The following GPM6A variants were observed in gnomAD, a reference collection of about 807,000 sequenced individuals.
The protein encoded by GPM6A is neuronal membrane glycoprotein M6-a.
GPM6A carries 7 observed loss-of-function variants against 32.1 expected under a neutral mutation model. The observed-to-expected ratio is 0.22, with a 90% CI of 0.12 to 0.41. The LOEUF (loss-of-function observed/expected upper bound fraction) is 0.41. Ranked by LOEUF, GPM6A falls within the 10% of genes least tolerant of loss-of-function variation. The probability of loss-of-function intolerance (pLI) is 1.00; values close to 1 mark genes in which losing one functional copy is unlikely to be tolerated. For missense variants in GPM6A, 235 were observed against 347.2 expected (o/e 0.68, Z 2.57); for synonymous variants, 130 against 123.4 (o/e 1.05, Z -0.35).
chr4:175,906,888 A>G (rs1330392108), intron 1 of GPM6A: 1 of 152,126 alleles, frequency 6.6e-6, no homozygotes, highest in Non-Finnish European at 1.5e-5. Context: ...TTATGACATC[A>G]CTGAAAGCAA....
chr4:175,897,350 A>G (rs115467630), intron 1 of GPM6A, among the ~76,000 whole-genome samples: 79 of 152,244 alleles, frequency 5.2e-4, no homozygotes, highest in African/African-American at 1.7e-3. Flanking sequence ...CCACTCTCCA[A>G]TCTCACTCCA....
At chr4:175,743,818 A>T (rs976266648) in intron 1 of GPM6A, among the ~76,000 whole-genome samples, 1 of 152,062 alleles carries the variant, frequency 6.6e-6, no homozygotes, top group Non-Finnish European at 1.5e-5. Flanking sequence ...ATTCAAGAGA[A>T]AGAACACTTT....
At chr4:175,813,562 GCA>G (rs952577923), upstream of GPM6A, among the ~76,000 whole-genome samples, 1 of 151,256 alleles carries the variant, frequency 6.6e-6, no homozygotes, top group Non-Finnish European at 1.5e-5. Flanking sequence ...ACACACACAA[GCA>G]CACACACGGA....
chr4:175,784,920 T>C (rs1427931486), intron 1 of GPM6A, among the ~76,000 whole-genome samples: 1 of 152,194 alleles, frequency 6.6e-6, no homozygotes, highest in African/African-American at 2.4e-5. Flanking sequence ...TCAATCCTAG[T>C]AAGAAAAGTA....
At chr4:175,812,320 T>TG, upstream of GPM6A, 1 of 1,383,478 alleles carries the variant, frequency 7.2e-7, no homozygotes, top group Non-Finnish European at 9.3e-7. Flanking sequence ...TTTTTTTTTT[T>TG]TTTTTTTTTT....
intron 1 of GPM6A, among the ~76,000 whole-genome samples, chr4:175,842,569 A>C (rs985979542): frequency 1.1e-4 from 16 of 152,126 alleles, no homozygotes; most frequent in African/African-American, 3.9e-4. Flanking sequence ...CAAAAAATAA[A>C]AATTAGCTGA....
chr4:175,714,947 C>G (rs1272192325), intron 1 of GPM6A, among the ~76,000 whole-genome samples: 2 of 133,706 alleles, frequency 1.5e-5, no homozygotes, highest in African/African-American at 5.7e-5. Flanking sequence ...GGTAAGGGAA[C>G]AGTCAGGTGG....
intron 2 of GPM6A, among the ~76,000 whole-genome samples, chr4:175,681,211 A>G (rs78000018): frequency 5.3e-5 from 8 of 152,160 alleles, no homozygotes. Context: ...TTGTATTCCA[A>G]CCAGCAGTAT....
chr4:175,947,198 A>C (rs1264934190), intron 1 of GPM6A, among the ~76,000 whole-genome samples: 2 of 152,044 alleles, frequency 1.3e-5, no homozygotes, highest in African/African-American at 2.4e-5. Flanking sequence ...AAAAAAAAAA[A>C]AACACTAGCT....
At chr4:175,711,410 ATATAT>A (rs1745523056) in intron 1 of GPM6A, among the ~76,000 whole-genome samples, 1 of 5,440 alleles carries the variant, frequency 1.8e-4, no homozygotes, top group Admixed American at 2.5e-3. Context: ...GGCACACCAA[ATATAT>A]ATATATATAT....
intron 1 of GPM6A, among the ~76,000 whole-genome samples, chr4:175,939,615 T>C (rs1430513912): frequency 1.3e-5 from 2 of 152,172 alleles, no homozygotes; most frequent in Non-Finnish European, 2.9e-5. Context: ...CAACATAATA[T>C]AACCATTATA....
At chr4:175,706,683 T>G (rs985846942) in intron 1 of GPM6A, among the ~76,000 whole-genome samples, 2 of 152,210 alleles carry the variant, frequency 1.3e-5, no homozygotes, top group African/African-American at 4.8e-5. Flanking sequence ...CAGAGGTGTT[T>G]AAACCAAAGC....
chr4:175,922,051 C>T (rs183241804), intron 1 of GPM6A, among the ~76,000 whole-genome samples: 1 of 152,250 alleles, frequency 6.6e-6, no homozygotes, highest in African/African-American at 2.4e-5. Flanking sequence ...GAGCTTAAAT[C>T]CTGCTTGCCT....
At position 175,683,647 on chromosome 4, in the gene GPM6A, G is replaced by C. The variant is rs1579380703; in HGVS notation, c.231-9811C>G. Among the ~76,000 whole-genome samples the C allele has an allele frequency of 2.0e-5, 3 of 152,064 alleles. No individual in the cohort carries two copies. The East Asian group carries it at 5.8e-4, about 30-fold the overall frequency. On this transcript the variant is annotated intron_variant, in intron 2 of 6. Transcript: ENST00000393658. ...GGTGCTATCTTAAAAGTGTGTAAGTGTGTGGCACCTCCCCTTTAACTCTCT... is the reference window on the plus strand; with the variant it reads ...GGTGCTATCTTAAAAGTGTGTAAGTCTGTGGCACCTCCCCTTTAACTCTCT...
intron 1 of GPM6A, among the ~76,000 whole-genome samples, chr4:175,945,228 C>G (rs1175245525): frequency 6.6e-6 from 1 of 152,128 alleles, no homozygotes; most frequent in Non-Finnish European, 1.5e-5. Flanking sequence ...TAACTTCTTA[C>G]TGTACAGATA....
chr4:175,721,059 A>ACTTTAT (rs1746099853), intron 1 of GPM6A, among the ~76,000 whole-genome samples: 2 of 143,758 alleles, frequency 1.4e-5, no homozygotes, highest in Non-Finnish European at 1.5e-5. Context: ...TATATGTACT[A>ACTTTAT]GTATATATAT....
chr4:175,813,151 C>T (rs970576244), upstream of GPM6A: 69 of 814,884 alleles, frequency 8.5e-5, no homozygotes, highest in East Asian at 1.4e-3. Context: ...TTATAGCCCA[C>T]GAAAGCTGCT....
intron 1 of GPM6A, among the ~76,000 whole-genome samples, chr4:175,991,797 A>C (rs1016326175): frequency 1.1e-4 from 16 of 152,210 alleles, no homozygotes; most frequent in African/African-American, 3.9e-4. Flanking sequence ...TTCTTTAAAA[A>C]AAACACAATA....
intron 1 of GPM6A, among the ~76,000 whole-genome samples, chr4:175,723,893 G>C (rs761338447): frequency 2.0e-5 from 3 of 151,894 alleles, no homozygotes; most frequent in Non-Finnish European, 2.9e-5. Flanking sequence ...CTTGTCATTT[G>C]TTAATGTTAT....
Sources: gnomAD v4.1 joint callset for allele counts (sites outside exome capture counted in the v4.1 genomes callset) on GRCh38, gnomAD v4.1.1 for gene constraint, MANE v1.5 for transcripts, NCBI Gene and HGNC (gene_info 2026-07-23, HGNC 2026-07-21) for gene names.